NFRKB: variants seen among roughly 807,000 people sequenced by gnomAD.
NFRKB encodes nuclear factor related to kappa-B-binding protein.
A neutral mutation model predicts 135.7 loss-of-function variants in NFRKB; 62 were observed. The ratio of observed to expected loss-of-function variants is 0.46; its 90% CI spans 0.37 to 0.56. The LOEUF is 0.56. NFRKB is among the 20% of genes least tolerant of loss of function. The pLI, the probability that NFRKB is intolerant of heterozygous loss-of-function variation, is 0.00. For missense variants in NFRKB, 1,545 were observed against 1,662.0 expected (o/e 0.93, Z 1.22); for synonymous variants, 678 against 635.6 (o/e 1.07, Z -1.00).
At position 129,873,882 on chromosome 11, in the gene NFRKB, C is replaced by T; in HGVS notation, c.2413G>A (p.Val805Met). ...AGGCTAGGCTGGGCCACCACTCGCA[C>T]CTGAGACAGTCCAGCAGAGCCAGAG... Reference protein sequence around the residue: ...SHSGSAGLSQVRVVAQPSLPA... With the variant: ...SHSGSAGLSQMRVVAQPSLPA... Residue 805 changes from valine to methionine, a missense_variant, in exon 22 of 27, where the codon GTG becomes ATG. Around this residue, in one of 3 missense-constraint regions of NFRKB, gnomAD observed 753 missense variants for 804.3 expected, o/e 0.94. Coordinates refer to ENST00000682444, the MANE Select transcript of NFRKB (RefSeq NM_001143835.2). The T allele has an allele frequency of 6.2e-7, 1 of 1,614,080 alleles. No individual in the cohort carries two copies. Among genetic ancestry groups the T allele is most frequent in the Non-Finnish European group, 8.5e-7 (1 of 1,180,030 alleles).
Position 129,874,045 on chromosome 11 carries a change from A to T in NFRKB, c.2280-30T>A. ...GAAGAACATCGGGGAAAGACAAAAA[A>T]CAAAAACTTAGGACATGCATACAAA... On this transcript the variant is annotated intron_variant, in intron 21 of 26. Coordinates refer to ENST00000682444, the MANE Select transcript of NFRKB (RefSeq NM_001143835.2). The surrounding 1 kb of genome is among the most constrained non-coding windows in gnomAD (Gnocchi z 4.5). The T allele has an allele frequency of 6.2e-7, 1 of 1,603,024 alleles. No individual in the cohort carries two copies. Among genetic ancestry groups the T allele is most frequent in the Non-Finnish European group, 8.5e-7 (1 of 1,171,352 alleles).
intron 4 of NFRKB, 52 bp from the exon 5 acceptor site, chr11:129,886,496 T>C: frequency 6.5e-7 from 1 of 1,528,044 alleles, no homozygotes; most frequent in South Asian, 1.1e-5. Context: ...ATATACATCA[T>C]CAGTCAACAA....
Position 129,865,028 on chromosome 11 carries a change from G to A in NFRKB, c.3712C>T (p.Pro1238Ser), listed in dbSNP as rs200475962. The A allele has an allele frequency of 3.5e-5, 57 of 1,612,892 alleles. No individual in the cohort carries two copies. Among genetic ancestry groups the A allele is most frequent in the Middle Eastern group, 3.9e-4 (2 of 5,148 alleles). The part of the protein sequence containing the change: ...AGTKLIAGNK[P>S]VSFLTAQQLQ... ...TGCTGAGCAGTGAGGAAACTAACAG[G>A]CTTATTGCCAGCAATGAGCTTAGTG... The change falls in exon 26 of 27, where the codon CCT becomes TCT. Residue 1238 changes from proline to serine, a missense_variant. By Grantham distance (74) the Pro-to-Ser change is moderately conservative. This residue lies in a region of NFRKB where 753 missense variants were observed against 804.3 expected (regional missense o/e 0.94). Transcript: ENST00000682444.
intron 6 of NFRKB, among the ~76,000 whole-genome samples, chr11:129,885,097 T>A (rs887591890): frequency 6.6e-6 from 1 of 152,098 alleles, no homozygotes; most frequent in African/African-American, 2.4e-5. Flanking sequence ...ACTACTCTCC[T>A]GTAAGGGGAA....
Position 129,871,422 on chromosome 11 carries a change from G to C in NFRKB, c.2764-1161C>G, listed in dbSNP as rs1007796454. 1.3e-5 allele frequency among the ~76,000 whole-genome samples: 2 copies of C among 152,028 alleles called. 1 individual carries two copies. Among genetic ancestry groups the C allele is most frequent in the South Asian group, 4.2e-4 (2 of 4,816 alleles). ...CCCACGCATTATCCTGATCCACCGA[G>C]TCTCATCTCACGCTGCCACTACACC... On this transcript the variant is annotated intron_variant, in intron 23 of 26. Transcript: ENST00000682444.
intron 10 of NFRKB, 40 bp downstream of exon 10, chr11:129,882,411 A>G (rs756611129): frequency 1.2e-6 from 2 of 1,604,206 alleles, no homozygotes; most frequent in African/African-American, 2.7e-5. Flanking sequence ...TGGCTTACCC[A>G]TTCACCCTGA....
At chr11:129,871,016 CGA>C (rs1322014404) in intron 23 of NFRKB, among the ~76,000 whole-genome samples, 2 of 152,126 alleles carry the variant, frequency 1.3e-5, no homozygotes, top group African/African-American at 4.8e-5. Context: ...TTGGTATGTG[CGA>C]GAGACTGGTT....
chr11:129,873,956 G>A lies in NFRKB; in HGVS notation c.2339C>T (p.Ser780Phe), dbSNP rs1028713204. Residue 780 changes from serine to phenylalanine, a missense_variant, in exon 22 of 27, where the codon TCC (serine) becomes TTC (phenylalanine). Around this residue, in one of 3 missense-constraint regions of NFRKB, gnomAD observed 753 missense variants for 804.3 expected, o/e 0.94. Transcript: ENST00000682444. Reference protein sequence around the residue: ...PHLGTMLSPASSQTAPSSQAA... With the variant: ...PHLGTMLSPAFSQTAPSSQAA... ...CTGAGAACTGGGTGCAGTCTGGCTG[G>A]AAGCTGGGGAAAGCATTGTTCCCAG... 1.9e-6 allele frequency: 3 copies of A among 1,613,010 alleles called. No individual in the cohort carries two copies. The highest frequency in any genetic ancestry group is 8.5e-7 in the Non-Finnish European group (1 of 1,180,020).
chr11:129,866,043 C>T, intron 24 of NFRKB, 60 bp from the exon 25 acceptor site: 1 of 1,400,354 alleles, frequency 7.1e-7, no homozygotes, highest in Non-Finnish European at 9.7e-7. Context: ...CAGCAAGTGT[C>T]ACCTCCAGGG....
rs778533748 is a variant in NFRKB, at chr11:129,873,814, C to T, written c.2481G>A (p.Leu827=). 1.9e-6 allele frequency: 3 copies of T among 1,614,184 alleles called. No individual in the cohort carries two copies. The highest frequency in any genetic ancestry group is 1.1e-5 in the South Asian group (1 of 91,080). The stretch of plus-strand genomic sequence containing the variant: ...TCTGCGGTCCTGCTGGCATCTGTGG[C>T]AATGTCTGTGCCGGCCCTCCCGACT... The part of the protein sequence containing the change: ...PQQSGGPAQT[L]PQMPAGPQIR... The change falls in exon 22 of 27, where the codon TTG becomes TTA. Residue 827 remains leucine, a synonymous_variant. Transcript: ENST00000682444.
In NFRKB at chr11:129,885,546, G is replaced by T. The variant is rs561080108; in HGVS notation, c.529C>A (p.Pro177Thr). 3.1e-6 allele frequency: 5 copies of T among 1,614,030 alleles called. No homozygotes were observed. In the South Asian group the frequency reaches 5.5e-5, roughly 18 times the overall value. The change falls in exon 6 of 27, where the codon CCA (proline) becomes ACA (threonine). Residue 177 changes from proline (P) to threonine (T), a missense_variant. Physicochemically the swap from Pro to Thr is conservative, Grantham distance 38. This residue lies in a region of NFRKB where 678 missense variants were observed against 646.7 expected (regional missense o/e 1.05). Transcript: ENST00000682444. ...TCCCGCTCCTCAGGTGTGCGGGATG[G>T]TGAAGGGCGTTTCTGCCGGAAGGGA... ...ALPFRQKRPS[P>T]SRTPEEREWR...
Position 129,865,987 on chromosome 11 carries a change from G to GAA in NFRKB, c.3532-6_3532-5dup. 1.3e-6 allele frequency: 2 copies of GAA among 1,553,252 alleles called. No individual in the cohort carries two copies. Among genetic ancestry groups the GAA allele is most frequent in the Non-Finnish European group, 1.7e-6 (2 of 1,149,806 alleles). On this transcript the variant is annotated splice_region_variant and splice_polypyrimidine_tract_variant and intron_variant, in intron 24 of 26. Coordinates refer to ENST00000682444, the MANE Select transcript of NFRKB (RefSeq NM_001143835.2). Reference sequence around the variant, plus strand: ...TGATCCGTGTAGGCAACTTCCCCTAGAAAAAAAAAGCAGTCAGGTTTTGTA... The same window carrying GAA: ...TGATCCGTGTAGGCAACTTCCCCTAGAAAAAAAAAAAGCAGTCAGGTTTTGTA...
chr11:129,876,754 C>T lies in NFRKB; in HGVS notation c.1714G>A (p.Asp572Asn), dbSNP rs562239619. The change falls in exon 17 of 27, where the codon GAC (aspartate) becomes AAC (asparagine). Residue 572 changes from aspartate to asparagine, a missense_variant. Transcript: ENST00000682444. Reference protein sequence around the residue: ...KAREHSLLRSDRPAYVTILSL... With the variant: ...KAREHSLLRSNRPAYVTILSL... ...AGAATGGTGACGTAGGCAGGCCGGTCGGAGCGCAGCAGGGAGTGCTCCCGA... is the reference window on the plus strand; with the variant it reads ...AGAATGGTGACGTAGGCAGGCCGGTTGGAGCGCAGCAGGGAGTGCTCCCGA... 4.6e-5 allele frequency: 75 copies of T among 1,613,914 alleles called. No homozygotes were observed. The highest frequency in any genetic ancestry group is 8.3e-5 in the Admixed American group (5 of 59,972).
chr11:129,875,240 A>T, intron 18 of NFRKB, 117 bp downstream of exon 18: 1 of 901,156 alleles, frequency 1.1e-6, no homozygotes, highest in Non-Finnish European at 1.7e-6. Context: ...TGCATTTTTC[A>T]AGGTATGTTT....
chr11:129,887,715 A>G (rs951372458), intron 4 of NFRKB, among the ~76,000 whole-genome samples: 3 of 152,224 alleles, frequency 2.0e-5, no homozygotes, highest in Admixed American at 6.5e-5. Flanking sequence ...CAGCTACTCT[A>G]AAGGACATTG....
intron 13 of NFRKB, 45 bp from the exon 14 acceptor site, chr11:129,878,588 A>G (rs977998116): frequency 6.8e-7 from 1 of 1,464,436 alleles, no homozygotes; most frequent in African/African-American, 1.4e-5. Context: ...GGTCTAAGGT[A>G]TTATTGAGAA....
At chr11:129,870,484 G>C (rs1006015152) in intron 23 of NFRKB, among the ~76,000 whole-genome samples, 4 of 152,112 alleles carry the variant, frequency 2.6e-5, no homozygotes, top group Non-Finnish European at 5.9e-5. Flanking sequence ...TCCCCACTGT[G>C]GTGGGGGAGG....
intron 2 of NFRKB, chr11:129,893,307 C>A: frequency 2.2e-6 from 1 of 448,102 alleles, no homozygotes; most frequent in South Asian, 1.6e-5. Flanking sequence ...AATCTCAGTA[C>A]TTTGGGAGGT....
chr11:129,870,963 T>C (rs540492745), intron 23 of NFRKB, among the ~76,000 whole-genome samples: 1 of 152,154 alleles, frequency 6.6e-6, no homozygotes, highest in African/African-American at 2.4e-5. Flanking sequence ...TCTGCTCTCT[T>C]CAGAAGCAAA....
Sources: gnomAD v4.1 joint callset for allele counts (sites outside exome capture counted in the v4.1 genomes callset) on GRCh38, gnomAD v4.1.1 for gene constraint, gnomAD v4.1.1 regional missense constraint, Gnocchi (gnomAD v3.1) non-coding constraint, MANE v1.5 for transcripts, NCBI Gene and HGNC (gene_info 2026-07-23, HGNC 2026-07-21) for gene names.